SLC39A6: variants seen among roughly 807,000 people sequenced by gnomAD.
The protein encoded by SLC39A6 is solute carrier family 39 member 6, also known as zinc transporter ZIP6.
Under a neutral mutation model 63.5 loss-of-function variants are expected in SLC39A6, and 51 were observed. The ratio of observed to expected loss-of-function variants is 0.80; its 90% confidence interval spans 0.64 to 1.01. The LOEUF is 1.01. SLC39A6 is among the 50% of genes least tolerant of loss of function. The probability of loss-of-function intolerance (pLI) is 0.00; values close to 1 mark genes in which losing one functional copy is unlikely to be tolerated. For missense variants in SLC39A6, 805 were observed against 927.8 expected, an observed-to-expected ratio of 0.87 and a Z score of 1.72; for synonymous variants, 318 against 324.7, an observed-to-expected ratio of 0.98 and a Z score of 0.22.
At chr18:36,125,351 A>G (rs75248778) in intron 2 of SLC39A6, among the ~76,000 whole-genome samples, 1 of 21,824 alleles carries the variant, frequency 4.6e-5, no homozygotes, top group African/African-American at 1.3e-4. Flanking sequence ...GCCAAAAAAG[A>G]AAAAAAAAAA....
In SLC39A6 at chr18:36,114,100, T is replaced by C. The variant is rs1431010233; in HGVS notation, c.1840A>G (p.Ile614Val). 1 of 1,593,518 alleles carries C rather than the reference T, an allele frequency of 6.3e-7. No homozygotes were observed. The highest frequency in any genetic ancestry group is 8.6e-7 in the Non-Finnish European group (1 of 1,168,560). Residue 614 changes from isoleucine to valine, a missense_variant, in exon 7 of 10, where the codon ATT becomes GTT. Coordinates refer to ENST00000269187, the MANE Select transcript of SLC39A6 (RefSeq NM_012319.4). ...GAACAAATATGTAGATATATACCAATTGCTAGGCCATCGCTGAAATTGTGC... is the reference window on the plus strand; with the variant it reads ...GAACAAATATGTAGATATATACCAACTGCTAGGCCATCGCTGAAATTGTGC... ...GLHNFSDGLA[I>V]GAAFTEGLSS...
intron 5 of SLC39A6, among the ~76,000 whole-genome samples, chr18:36,121,170 A>C (rs1334517208): frequency 7.4e-6 from 1 of 135,562 alleles, no homozygotes; most frequent in Admixed American, 7.3e-5. Flanking sequence ...TTTTTTTTTT[A>C]TTTTTTGAGA....
intron 1 of SLC39A6, among the ~76,000 whole-genome samples, chr18:36,127,230 A>G (rs2144514657): frequency 6.6e-6 from 1 of 152,372 alleles, no homozygotes; most frequent in African/African-American, 2.4e-5. Context: ...CAACTGGAGA[A>G]GAGCTGAGTG....
In SLC39A6 at chr18:36,114,304, C is replaced by T. The variant is rs1598706119; in HGVS notation, c.1636G>A (p.Asp546Asn). 1.2e-6 allele frequency: 2 copies of T among 1,614,116 alleles called. No individual in the cohort carries two copies. Among genetic ancestry groups the T allele is most frequent in the South Asian group, 1.1e-5 (1 of 91,070 alleles). ...AGATCGTCTGACTGGCCGAGTGTAT[C>T]GTGGAAATGTGAATGGCATTTATTC... Reference protein sequence around the residue: ...CKNKCHSHFHDTLGQSDDLIH... With the variant: ...CKNKCHSHFHNTLGQSDDLIH... Residue 546 changes from aspartate (D) to asparagine (N), a missense_variant, in exon 7 of 10, where the codon GAT (aspartate) becomes AAT (asparagine). Asp to Asn is a conservative substitution (Grantham distance 23). This residue lies in a region of SLC39A6 where 19 missense variants were observed against 35.1 expected (regional missense o/e 0.54). Transcript: ENST00000269187.
intron 3 of SLC39A6, among the ~76,000 whole-genome samples, chr18:36,124,250 G>T (rs1280388441): frequency 6.6e-6 from 1 of 152,096 alleles, no homozygotes; most frequent in East Asian, 1.9e-4. Flanking sequence ...AGTGTGACAT[G>T]ATATAAAAAT....
chr18:36,119,759 T>C (rs776508756), intron 5 of SLC39A6, among the ~76,000 whole-genome samples: 1 of 152,108 alleles, frequency 6.6e-6, no homozygotes, highest in African/African-American at 2.4e-5. Flanking sequence ...CATGAGCCTG[T>C]AGTCTCAGTT....
chr18:36,126,341 G>A lies in SLC39A6; in HGVS notation c.667C>T (p.Pro223Ser), dbSNP rs745561028. 8.1e-6 allele frequency: 13 copies of A among 1,614,132 alleles called. No individual in the cohort carries two copies. In the South Asian group the frequency reaches 8.8e-5, roughly 11 times the overall value. Residue 223 changes from proline to serine, a missense_variant, in exon 2 of 10, where the codon CCA becomes TCA. Around this residue, in one of 4 missense-constraint regions of SLC39A6, gnomAD observed 639 missense variants for 644.0 expected, o/e 0.99. Coordinates refer to ENST00000269187, the MANE Select transcript of SLC39A6 (RefSeq NM_012319.4). ...CGGCTCTTTGATGTGACACTGGGTG[G>A]AGTGGAGCTGCTTACATCTTTGGGG... ...LFPKDVSSST[P>S]PSVTSKSRVS...
intron 7 of SLC39A6, among the ~76,000 whole-genome samples, chr18:36,113,684 T>C (rs919398187): frequency 1.3e-5 from 2 of 152,260 alleles, no homozygotes; most frequent in African/African-American, 2.4e-5. Flanking sequence ...GACTGGTAAC[T>C]GGACTTAGAT....
In SLC39A6 at chr18:36,114,326, A is replaced by G. The variant is rs1224803420; in HGVS notation, c.1614T>C (p.Asn538=). 1 of 1,614,246 alleles carries G rather than the reference A, an allele frequency of 6.2e-7. No homozygotes were observed. The highest frequency in any genetic ancestry group is 2.2e-5 in the East Asian group (1 of 44,896). The part of the protein sequence containing the change: ...YNEYVPRGCK[N]KCHSHFHDTL... Reference sequence around the variant, plus strand: ...TATCGTGGAAATGTGAATGGCATTTATTCTTGCACCCTCTGGGTACATATT... The same window carrying G: ...TATCGTGGAAATGTGAATGGCATTTGTTCTTGCACCCTCTGGGTACATATT... The change falls in exon 7 of 10, where the codon AAT becomes AAC. Residue 538 remains asparagine (N), a synonymous_variant. Coordinates refer to ENST00000269187, the MANE Select transcript of SLC39A6 (RefSeq NM_012319.4).
chr18:36,111,492 TC>T (rs66914539), intron 8 of SLC39A6, among the ~76,000 whole-genome samples: 37,740 of 130,514 alleles, frequency 0.29, 7,266 homozygotes, highest in Middle Eastern at 0.44. Context: ...TTTTTTTTTT[TC>T]TTTTTTTTGA....
chr18:36,126,572 A>G lies in SLC39A6; in HGVS notation c.436T>C (p.Cys146Arg). The change falls in exon 2 of 10, where the codon TGC (cysteine) becomes CGC (arginine). Residue 146 changes from cysteine to arginine, a missense_variant. Physicochemically the swap from Cys to Arg is radical, Grantham distance 180. Coordinates refer to ENST00000269187, the MANE Select transcript of SLC39A6 (RefSeq NM_012319.4). ...GAACTATCTGAGTCATGGTCTGGGC[A>G]AAGAGCTTTTCGCTTATTTTTACCA... The part of the protein sequence containing the change: ...ASGKNKRKAL[C>R]PDHDSDSSGK... 6.2e-7 allele frequency: 1 copy of G among 1,614,192 alleles called. No homozygotes were observed. The highest frequency in any genetic ancestry group is 1.1e-5 in the South Asian group (1 of 91,078).
chr18:36,125,973 T>C (rs1827595282), intron 2 of SLC39A6, among the ~76,000 whole-genome samples: 1 of 152,210 alleles, frequency 6.6e-6, no homozygotes, highest in Admixed American at 6.5e-5. Flanking sequence ...ATATTCTGTA[T>C]TAGAAAAAAT....
At chr18:36,122,319 C>T (rs760015283) in intron 4 of SLC39A6, 49 bp from the exon 5 acceptor site, 58 of 1,468,734 alleles carry the variant, frequency 3.9e-5, no homozygotes, top group East Asian at 3.2e-4. Flanking sequence ...TTTCACACAC[C>T]GAGTCAGAAA....
In SLC39A6 at chr18:36,113,073, A is replaced by G. The variant is rs2089313650; in HGVS notation, c.1844-492T>C. 3.3e-5 allele frequency among the ~76,000 whole-genome samples: 5 copies of G among 151,522 alleles called. No individual in the cohort carries two copies. The South Asian group carries it at 6.3e-4, about 19-fold the overall frequency. ...ATCTGACATATTATACAATCAATCA[A>G]TTATAAACCATGACTGTGCATATAT... On this transcript the variant is annotated intron_variant, in intron 7 of 9. Coordinates refer to ENST00000269187, the MANE Select transcript of SLC39A6 (RefSeq NM_012319.4).
At chr18:36,122,321 A>C (rs1239346922) in intron 4 of SLC39A6, 51 bp from the exon 5 acceptor site, 2 of 1,445,086 alleles carry the variant, frequency 1.4e-6, no homozygotes, top group Non-Finnish European at 1.9e-6. Flanking sequence ...TCACACACCG[A>C]GTCAGAAAGT....
chr18:36,126,247 G>A lies in SLC39A6; in HGVS notation c.761C>T (p.Ser254Phe). The A allele has an allele frequency of 6.2e-7, 1 of 1,614,062 alleles. No individual in the cohort carries two copies. The highest frequency in any genetic ancestry group is 8.5e-7 in the Non-Finnish European group (1 of 1,179,984). Residue 254 changes from serine to phenylalanine, a missense_variant, in exon 2 of 10, where the codon TCC (serine) becomes TTC (phenylalanine). This residue lies in a region of SLC39A6 where 639 missense variants were observed against 644.0 expected (regional missense o/e 0.99). Coordinates refer to ENST00000269187, the MANE Select transcript of SLC39A6 (RefSeq NM_012319.4). ...VSEPRKGFMY[S>F]RNTNENPQEC... The stretch of plus-strand genomic sequence containing the variant: ...CTGAGGATTTTCATTTGTGTTTCTG[G>A]AATACATAAAGCCTTTTCGGGGCTC...
intron 5 of SLC39A6, among the ~76,000 whole-genome samples, chr18:36,118,712 G>A (rs1221823790): frequency 6.6e-6 from 1 of 152,200 alleles, no homozygotes; most frequent in Non-Finnish European, 1.5e-5. Context: ...GGAGCCACTG[G>A]AGGAAGGATT....
chr18:36,115,053 T>C lies in SLC39A6; in HGVS notation c.1466-579A>G, dbSNP rs139535552. ...ATTTTTTTTCTCCTGTACATAGTTATCAATTTTCTTGGAACCATCCCTGAC... is the reference window on the plus strand; with the variant it reads ...ATTTTTTTTCTCCTGTACATAGTTACCAATTTTCTTGGAACCATCCCTGAC... On this transcript the variant is annotated intron_variant, in intron 6 of 9. Coordinates refer to ENST00000269187, the MANE Select transcript of SLC39A6 (RefSeq NM_012319.4). Among the ~76,000 whole-genome samples, 653 of 152,336 alleles carry C rather than the reference T, an allele frequency of 4.3e-3. 7 individuals are homozygous for C. The highest frequency in any genetic ancestry group is 0.015 in the African/African-American group (609 of 41,582).
rs1248361744 is a variant in SLC39A6 at position 36,114,384 on chromosome 18, A to G, written c.1556T>C (p.Ile519Thr). The change falls in exon 7 of 10, where the codon ATA becomes ACA. Residue 519 changes from isoleucine to threonine, a missense_variant. Coordinates refer to ENST00000269187, the MANE Select transcript of SLC39A6 (RefSeq NM_012319.4). ...PAVLEEEEVMIAHAHPQEVYN... is the reference protein window; with the variant it reads ...PAVLEEEEVMTAHAHPQEVYN... The stretch of plus-strand genomic sequence containing the variant: ...GACTTCCTGTGGATGAGCATGAGCT[A>G]TCATGACCTCTTCTTCTTCCAAGAC... 6.2e-7 allele frequency: 1 copy of G among 1,614,222 alleles called. No individual in the cohort carries two copies. Among genetic ancestry groups the G allele is most frequent in the Non-Finnish European group, 8.5e-7 (1 of 1,180,042 alleles).
Sources: allele counts gnomAD v4.1 joint callset (sites outside exome capture counted in the v4.1 genomes callset), GRCh38; gene constraint gnomAD v4.1.1; regional missense constraint gnomAD v4.1.1; transcripts MANE v1.5; gene names NCBI Gene and HGNC (gene_info 2026-07-23, HGNC 2026-07-21).